RALGPS1: variants seen among roughly 807,000 people sequenced by gnomAD.
RALGPS1 encodes the protein Ral GEF with PH domain and SH3 binding motif 1.
RALGPS1 carries 19 observed loss-of-function variants against 78.8 expected under a neutral mutation model. That is an observed-to-expected ratio of 0.24 (90% CI 0.17 to 0.35). The LOEUF is 0.35. RALGPS1 is among the 10% of genes least tolerant of loss of function. The pLI is 1.00. For synonymous variants in RALGPS1, 228 were observed against 256.3 expected, an observed-to-expected ratio of 0.89 and a Z score of 1.06; for missense variants, 454 against 688.3, an observed-to-expected ratio of 0.66 and a Z score of 3.81.
At chr9:126,973,753 TC>T (rs1771690906) in intron 3 of RALGPS1, among the ~76,000 whole-genome samples, 1 of 152,116 alleles carries the variant, frequency 6.6e-6, no homozygotes, top group Non-Finnish European at 1.5e-5. Context: ...AACTCCCCAT[TC>T]CCTCTCCTCC....
chr9:126,929,270 A>G (rs1191698679), intron 1 of RALGPS1, among the ~76,000 whole-genome samples: 1 of 152,220 alleles, frequency 6.6e-6, no homozygotes, highest in Non-Finnish European at 1.5e-5. Context: ...GGATAAGGAT[A>G]GCAGTGGAGA....
intron 4 of RALGPS1, among the ~76,000 whole-genome samples, chr9:126,997,986 G>C (rs1377751055): frequency 6.6e-6 from 1 of 152,186 alleles, no homozygotes; most frequent in Non-Finnish European, 1.5e-5. Context: ...GCTGAAACTG[G>C]ATCCCTTCCT....
chr9:126,995,363 A>G (rs2042642510), intron 4 of RALGPS1, among the ~76,000 whole-genome samples: 1 of 152,216 alleles, frequency 6.6e-6, no homozygotes, highest in Admixed American at 6.5e-5. Flanking sequence ...AAAACAAAAA[A>G]AGGCAAGGGT....
rs951411575 is a variant in RALGPS1 at position 127,202,538 on chromosome 9, C to A, written c.1247+3472C>A. Among the ~76,000 whole-genome samples the A allele has an allele frequency of 2.0e-5, 3 of 152,226 alleles. No homozygotes were observed. In the East Asian group the frequency reaches 5.8e-4, roughly 29 times the overall value. ...CAAGGGTGCAGAGAGCAAAGGGGACCCTCTTCTGCTCTTCATCCTCCTGTC... is the reference window on the plus strand; with the variant it reads ...CAAGGGTGCAGAGAGCAAAGGGGACACTCTTCTGCTCTTCATCCTCCTGTC... On this transcript the variant is annotated intron_variant, in intron 14 of 18. Coordinates refer to ENST00000259351, the MANE Select transcript of RALGPS1 (RefSeq NM_014636.3).
intron 1 of RALGPS1, among the ~76,000 whole-genome samples, chr9:126,926,406 T>C (rs930914685): frequency 3.9e-5 from 6 of 152,138 alleles, no homozygotes; most frequent in Non-Finnish European, 8.8e-5. Context: ...AGATTTTCAC[T>C]TTTCCAGGTG....
intron 8 of RALGPS1, 24 bp downstream of exon 8, chr9:127,069,380 T>A (rs1281158): frequency 1 from 1,608,659 of 1,608,700 alleles, 804,309 homozygotes; most frequent in Middle Eastern, 1. Context: ...TTGGCTTATT[T>A]TTTTTTAAGA....
chr9:127,039,665 C>T (rs532255145), intron 5 of RALGPS1, among the ~76,000 whole-genome samples: 1 of 152,204 alleles, frequency 6.6e-6, no homozygotes, highest in African/African-American at 2.4e-5. Flanking sequence ...AAGCCAAGAC[C>T]TGGGTGCCTC....
At chr9:127,029,917 G>A (rs2046283037) in intron 4 of RALGPS1, among the ~76,000 whole-genome samples, 3 of 152,168 alleles carry the variant, frequency 2.0e-5, no homozygotes, top group Admixed American at 2.0e-4. Flanking sequence ...GCTTTGCAGG[G>A]GCAGCTGAAA....
intron 1 of RALGPS1, among the ~76,000 whole-genome samples, chr9:126,941,166 T>TCG (rs142027838): frequency 6.7e-6 from 1 of 149,268 alleles, no homozygotes; most frequent in South Asian, 2.1e-4. Context: ...CGTCTAGTTG[T>TCG]GGGGGGGGGT....
chr9:127,065,747 C>T (rs1485479517), intron 7 of RALGPS1, among the ~76,000 whole-genome samples: 1 of 152,116 alleles, frequency 6.6e-6, no homozygotes, highest in East Asian at 1.9e-4. Flanking sequence ...TTCTTAAGGC[C>T]TGCTATTCAT....
chr9:127,017,644 C>T (rs1291106956), intron 4 of RALGPS1, among the ~76,000 whole-genome samples: 5 of 152,152 alleles, frequency 3.3e-5, no homozygotes, highest in Non-Finnish European at 2.9e-5. Flanking sequence ...AACTTTTTGA[C>T]TCTTTTGTAA....
Position 127,218,189 on chromosome 9 carries a change from T to C in RALGPS1, c.1645-551T>C, listed in dbSNP as rs1328685536. Among the ~76,000 whole-genome samples, 1 of 152,112 alleles carries C rather than the reference T, an allele frequency of 6.6e-6. No homozygotes were observed. Among genetic ancestry groups the C allele is most frequent in the Non-Finnish European group, 1.5e-5 (1 of 67,996 alleles). On this transcript the variant is annotated intron_variant, in intron 18 of 18. Transcript: ENST00000259351. The surrounding 1 kb of genome is among the most constrained non-coding windows in gnomAD (Gnocchi z 4.4). Reference sequence around the variant, plus strand: ...AGAAACACTCTGACCTTGGGGCTAGTGGTCCCGCCAGTAAAGGGGTCTAGG... The same window carrying C: ...AGAAACACTCTGACCTTGGGGCTAGCGGTCCCGCCAGTAAAGGGGTCTAGG...
At chr9:127,181,003 C>T (rs933707731) in intron 11 of RALGPS1, among the ~76,000 whole-genome samples, 25 of 152,358 alleles carry the variant, frequency 1.6e-4, no homozygotes, top group African/African-American at 6.0e-4. Flanking sequence ...GGCTTTCACC[C>T]AGAGCAAATG....
chr9:127,214,939 G>C, intron 18 of RALGPS1, 97 bp downstream of exon 18: 1 of 1,564,834 alleles, frequency 6.4e-7, no homozygotes, highest in South Asian at 1.2e-5. Flanking sequence ...TTCTTTCAGA[G>C]CCCATTAGCC....
At position 127,055,216 on chromosome 9, in the gene RALGPS1, G is replaced by GTCTA. The variant is rs1426785455; in HGVS notation, c.483+2280_483+2281insATCT. ...AAATGCTTTTTCTATCTATCTATCT[G>GTCTA]TCTGTCTGTCTGTCTGTCTGTCTGA... On this transcript the variant is annotated intron_variant, in intron 7 of 18. Coordinates refer to ENST00000259351, the MANE Select transcript of RALGPS1 (RefSeq NM_014636.3). Among the ~76,000 whole-genome samples the GTCTA allele has an allele frequency of 3.6e-3, 213 of 58,418 alleles. 1 individual carries two copies. The highest frequency in any genetic ancestry group is 7.7e-3 in the African/African-American group (196 of 25,424). The allele number at this position is 58,418 out of a possible 152,430, so 38.3% of individuals were successfully genotyped here. A position where few individuals can be genotyped will look rare whatever the true frequency, so the allele number is the denominator to read the frequency against.
intron 8 of RALGPS1, among the ~76,000 whole-genome samples, chr9:127,090,697 A>C (rs940603371): frequency 4.6e-5 from 7 of 152,192 alleles, no homozygotes; most frequent in Non-Finnish European, 8.8e-5. Flanking sequence ...GACCAAGACC[A>C]CATAGGAAAT....
At chr9:127,015,709 A>G (rs2044750802) in intron 4 of RALGPS1, among the ~76,000 whole-genome samples, 1 of 152,080 alleles carries the variant, frequency 6.6e-6, no homozygotes, top group Non-Finnish European at 1.5e-5. Flanking sequence ...CTGACCTGCA[A>G]ACTTTCAGAG....
chr9:127,150,785 G>T (rs946526484), intron 8 of RALGPS1, among the ~76,000 whole-genome samples: 2 of 152,236 alleles, frequency 1.3e-5, no homozygotes, highest in South Asian at 4.1e-4. Flanking sequence ...CCACCCAAGT[G>T]CTTGCTTTCT....
intron 5 of RALGPS1, among the ~76,000 whole-genome samples, chr9:127,036,000 G>A (rs2046834781): frequency 6.6e-6 from 1 of 152,150 alleles, no homozygotes; most frequent in African/African-American, 2.4e-5. Context: ...CCTCTGACCA[G>A]CCACAGAGCT....
Sources: gnomAD v4.1 joint callset for allele counts (sites outside exome capture counted in the v4.1 genomes callset) on GRCh38, gnomAD v4.1.1 for gene constraint, Gnocchi (gnomAD v3.1) non-coding constraint, MANE v1.5 for transcripts, NCBI Gene and HGNC (gene_info 2026-07-23, HGNC 2026-07-21) for gene names.